Variants in GRIK2 observed in about 807,000 individuals in gnomAD.
The protein encoded by GRIK2 is glutamate receptor ionotropic, kainate 2.
A neutral mutation model predicts 100.3 loss-of-function variants in GRIK2; 32 were observed. The observed-to-expected ratio is 0.32, with a 90% confidence interval of 0.24 to 0.43. The LOEUF is 0.43. Ranked by LOEUF, GRIK2 falls within the 20% of genes least tolerant of loss-of-function variation. The pLI is 1.00. For synonymous variants in GRIK2, 417 were observed against 389.4 expected, an observed-to-expected ratio of 1.07 and a Z score of -0.83; for missense variants, 843 against 1,114.9, an observed-to-expected ratio of 0.76 and a Z score of 3.47.
intron 2 of GRIK2, among the ~76,000 whole-genome samples, chr6:101,475,681 G>A (rs1487398697): frequency 6.7e-6 from 1 of 149,852 alleles, no homozygotes; most frequent in Non-Finnish European, 1.5e-5. Context: ...AGAAAAATAA[G>A]TTATTCAATA....
intron 2 of GRIK2, among the ~76,000 whole-genome samples, chr6:101,544,432 C>T (rs1019545604): frequency 2.6e-5 from 4 of 152,104 alleles, no homozygotes; most frequent in East Asian, 1.9e-4. Flanking sequence ...CTGTGTACCC[C>T]GGGGGAATGA....
intron 7 of GRIK2, among the ~76,000 whole-genome samples, chr6:101,718,256 A>G (rs923832460): frequency 6.6e-6 from 1 of 151,758 alleles, no homozygotes; most frequent in Non-Finnish European, 1.5e-5. Flanking sequence ...TTTCCAGGAG[A>G]TTATAACACA....
chr6:101,756,443 A>T (rs912478150), intron 7 of GRIK2, among the ~76,000 whole-genome samples: 4 of 151,048 alleles, frequency 2.6e-5, no homozygotes, highest in Non-Finnish European at 5.9e-5. Flanking sequence ...TTACATTTAT[A>T]ATCTGAAAAT....
intron 14 of GRIK2, among the ~76,000 whole-genome samples, chr6:102,017,479 C>A (rs1769173805): frequency 6.6e-6 from 1 of 152,080 alleles, no homozygotes; most frequent in African/African-American, 2.4e-5. Flanking sequence ...ATATGATATT[C>A]CTAGGTATAG....
At chr6:101,856,808 C>T (rs1238482967) in intron 10 of GRIK2, among the ~76,000 whole-genome samples, 2 of 151,948 alleles carry the variant, frequency 1.3e-5, no homozygotes, top group Admixed American at 6.6e-5. Context: ...CAGTTTTGAC[C>T]ATGCGGAAGA....
intron 10 of GRIK2, among the ~76,000 whole-genome samples, chr6:101,855,615 C>A (rs1483931743): frequency 6.6e-6 from 1 of 151,930 alleles, no homozygotes; most frequent in Non-Finnish European, 1.5e-5. Context: ...AGTTTGAAGA[C>A]CAAAATGAAG....
chr6:102,019,679 C>T (rs1171418116), intron 14 of GRIK2, among the ~76,000 whole-genome samples: 1 of 151,972 alleles, frequency 6.6e-6, no homozygotes, highest in Admixed American at 6.6e-5. Flanking sequence ...GGATTATGAG[C>T]TTTACTTTTA....
intron 2 of GRIK2, among the ~76,000 whole-genome samples, chr6:101,602,305 T>G (rs576019191): frequency 4.2e-4 from 64 of 151,600 alleles, no homozygotes; most frequent in African/African-American, 1.2e-3. Flanking sequence ...TTGGCATAAT[T>G]CCAATTTTTT....
intron 2 of GRIK2, among the ~76,000 whole-genome samples, chr6:101,435,029 C>A (rs1769635717): frequency 6.6e-6 from 1 of 152,122 alleles, no homozygotes; most frequent in Non-Finnish European, 1.5e-5. Flanking sequence ...AATAATAGAT[C>A]ACATAGTCCC....
chr6:101,530,836 C>T (rs1775405806), intron 2 of GRIK2, among the ~76,000 whole-genome samples: 1 of 151,784 alleles, frequency 6.6e-6, no homozygotes, highest in African/African-American at 2.4e-5. Context: ...GCAGAGACAC[C>T]ATAAGTTTTT....
intron 10 of GRIK2, among the ~76,000 whole-genome samples, chr6:101,836,546 T>A (rs1038064222): frequency 2.0e-5 from 3 of 150,454 alleles, no homozygotes; most frequent in Admixed American, 1.3e-4. Context: ...CTTTAACTTT[T>A]TAAAAATATG....
chr6:101,411,997 A>C (rs552653548), intron 2 of GRIK2, among the ~76,000 whole-genome samples: 7 of 152,064 alleles, frequency 4.6e-5, no homozygotes, highest in Admixed American at 4.6e-4. Flanking sequence ...AGAGGATTCC[A>C]ACTTTTCAGT....
rs1780451506 is a variant in GRIK2 at position 101,626,588 on chromosome 6, G to A, written c.492G>A (p.Val164=). The change falls in exon 4 of 17, where the codon GTG becomes GTA. Residue 164 remains valine (V), a synonymous_variant. Transcript: ENST00000369134. ...SSLSRAILDL[V]QFFKWKTVTV... The stretch of plus-strand genomic sequence containing the variant: ...TCAGCCGTGCCATTTTAGACCTGGT[G>A]CAGTTTTTCAAGTGGAAAACCGTCA... 6.2e-7 allele frequency: 1 copy of A among 1,613,844 alleles called. No individual in the cohort carries two copies.
chr6:101,815,790 G>C (rs1781598036), intron 9 of GRIK2, among the ~76,000 whole-genome samples: 1 of 152,154 alleles, frequency 6.6e-6, no homozygotes, highest in Non-Finnish European at 1.5e-5. Flanking sequence ...GAATCATGTA[G>C]TTGACAATCT....
intron 10 of GRIK2, among the ~76,000 whole-genome samples, chr6:101,835,200 A>G (rs934038331): frequency 5.3e-5 from 8 of 152,060 alleles, no homozygotes; most frequent in Non-Finnish European, 1.2e-4. Context: ...AGCAATTTTG[A>G]TATTTTTTTC....
chr6:101,480,548 C>T (rs918215781), intron 2 of GRIK2, among the ~76,000 whole-genome samples: 3 of 152,102 alleles, frequency 2.0e-5, no homozygotes, highest in African/African-American at 7.2e-5. Context: ...GCTTTCACCT[C>T]TGCCAAAATA....
At chr6:101,504,371 A>G (rs1195898685) in intron 2 of GRIK2, among the ~76,000 whole-genome samples, 1 of 152,056 alleles carries the variant, frequency 6.6e-6, no homozygotes, top group African/African-American at 2.4e-5. Flanking sequence ...AAAATTTGCC[A>G]CAATAGGAAA....
At position 101,582,117 on chromosome 6, in the gene GRIK2, C is replaced by T. The variant is rs144256905; in HGVS notation, c.116-39832C>T. The stretch of plus-strand genomic sequence containing the variant: ...TCAGTTCTGGGATACATGTGCAGAA[C>T]GTACAGGTTTGTTACATAGGTATAC... On this transcript the variant is annotated intron_variant, in intron 2 of 16. Transcript: ENST00000369134. 3.4e-3 allele frequency among the ~76,000 whole-genome samples: 514 copies of T among 151,878 alleles called. 2 individuals carry two copies. The highest frequency in any genetic ancestry group is 5.9e-3 in the Non-Finnish European group (404 of 67,934).
intron 2 of GRIK2, among the ~76,000 whole-genome samples, chr6:101,609,946 A>G (rs1779600205): frequency 6.6e-6 from 1 of 151,740 alleles, no homozygotes; most frequent in Non-Finnish European, 1.5e-5. Context: ...TGTAATATGA[A>G]TGTTAATATT....
Sources: allele counts gnomAD v4.1 joint callset (sites outside exome capture counted in the v4.1 genomes callset), GRCh38; gene constraint gnomAD v4.1.1; transcripts MANE v1.5; gene names NCBI Gene and HGNC (gene_info 2026-07-23, HGNC 2026-07-21).